EPHB3: variants seen among roughly 807,000 people sequenced by gnomAD.
The protein encoded by EPHB3 is ephrin type-B receptor 3.
A neutral mutation model predicts 100.2 loss-of-function variants in EPHB3; 33 were observed. The observed-to-expected ratio is 0.33, with a 90% CI of 0.25 to 0.44. EPHB3 has a LOEUF of 0.44. Among genes scored for constraint, EPHB3 ranks in the 20% least tolerant of loss-of-function variants. The probability of loss-of-function intolerance (pLI) is 1.00; values close to 1 mark genes in which losing one functional copy is unlikely to be tolerated. For missense variants in EPHB3, 1,045 were observed against 1,378.3 expected (o/e 0.76, Z 3.83); for synonymous variants, 526 against 554.7 (o/e 0.95, Z 0.73).
At chr3:184,575,427 G>A (rs1487903898) in intron 3 of EPHB3, among the ~76,000 whole-genome samples, 2 of 152,180 alleles carry the variant, frequency 1.3e-5, no homozygotes, top group Admixed American at 6.5e-5. Flanking sequence ...TGATTTTTCT[G>A]GAGCCTCGGG....
chr3:184,574,003 C>T (rs1281675249), intron 3 of EPHB3, among the ~76,000 whole-genome samples: 37 of 152,118 alleles, frequency 2.4e-4, no homozygotes, highest in Admixed American at 2.4e-3. Context: ...GTGTAAGCCA[C>T]CACTCCTGGC....
chr3:184,576,393 G>A (rs916152809), intron 4 of EPHB3, among the ~76,000 whole-genome samples: 1 of 152,186 alleles, frequency 6.6e-6, no homozygotes, highest in South Asian at 2.1e-4. Context: ...ACATCCTGAG[G>A]GTGGCCTGGT....
rs1714733888 is a variant in EPHB3, at chr3:184,578,326, C to T, written c.1749-88C>T. ...CCCCAGGCCATCCCCTGTATCCTCT[C>T]CGCCCCTTCTGTGAGCCCAAGGGTG... On this transcript the variant is annotated intron_variant, in intron 8 of 15. Transcript: ENST00000330394. This position sits in a 1 kb window ranked among gnomAD's most constrained non-coding sequence, Gnocchi z 4.7. 1.9e-5 allele frequency: 30 copies of T among 1,584,092 alleles called. No homozygotes were observed. In the South Asian group the frequency reaches 2.9e-4, roughly 15 times the overall value.
rs757806643 is a variant in EPHB3 at position 184,579,879 on chromosome 3, C to T, written c.2117C>T (p.Pro706Leu). The change falls in exon 11 of 16, where the codon CCA becomes CTA. Residue 706 changes from proline to leucine, a missense_variant. Physicochemically the swap from Pro to Leu is moderately conservative, Grantham distance 98 (BLOSUM62 -3). Coordinates refer to ENST00000330394, the MANE Select transcript of EPHB3 (RefSeq NM_004443.4). The surrounding 1 kb of genome is among the most constrained non-coding windows in gnomAD (Gnocchi z 5.2). ...GAGGGCGTGGTCACCAAAAGTCGGC[C>T]AGTTATGATCCTCACTGAGTTCATG... ...RLEGVVTKSRPVMILTEFMEN... is the reference protein window; with the variant it reads ...RLEGVVTKSRLVMILTEFMEN... 5 of 1,613,812 alleles carry T rather than the reference C, an allele frequency of 3.1e-6. No individual in the cohort carries two copies.
rs183414041 is a variant in EPHB3 at position 184,562,606 on chromosome 3, A to G, written c.118+253A>G. On this transcript the variant is annotated intron_variant, in intron 1 of 15. Transcript: ENST00000330394. The surrounding 1 kb of genome is among the most constrained non-coding windows in gnomAD (Gnocchi z 4.8). Reference sequence around the variant, plus strand: ...TAGACTCGGGACGAACGTCCCCCAGAGTCCTGGCCCTGCTGTGAGCTTTCG... The same window carrying G: ...TAGACTCGGGACGAACGTCCCCCAGGGTCCTGGCCCTGCTGTGAGCTTTCG... Among the ~76,000 whole-genome samples, 15,751 of 152,032 alleles carry G rather than the reference A, an allele frequency of 0.1. 853 individuals carry two copies. The highest frequency in any genetic ancestry group is 0.18 in the Middle Eastern group (52 of 294).
Position 184,563,446 on chromosome 3 carries a change from G to A in EPHB3, c.118+1093G>A, listed in dbSNP as rs79151247. On this transcript the variant is annotated intron_variant, in intron 1 of 15. Coordinates refer to ENST00000330394, the MANE Select transcript of EPHB3 (RefSeq NM_004443.4). The surrounding 1 kb of genome is among the most constrained non-coding windows in gnomAD (Gnocchi z 4.1). ...GTTTAGGAACGAAAACACGAACTCT[G>A]TGGAACTTGGCTTGTTCTTATGTTC... Among the ~76,000 whole-genome samples the A allele has an allele frequency of 0.013, 2,025 of 152,314 alleles. 50 individuals are homozygous for A. The highest frequency in any genetic ancestry group is 0.045 in the African/African-American group (1,857 of 41,548).
At chr3:184,575,724 G>C in intron 3 of EPHB3, 106 bp from the exon 4 acceptor site, 3 of 1,381,542 alleles carry the variant, frequency 2.2e-6, no homozygotes, top group Non-Finnish European at 2.9e-6. Flanking sequence ...AGGAGGTGGA[G>C]GGGCCAGACC....
intron 1 of EPHB3, among the ~76,000 whole-genome samples, chr3:184,568,592 A>ACCCC (rs113185340): frequency 4.7e-4 from 62 of 131,120 alleles, no homozygotes; most frequent in South Asian, 1.0e-3. Context: ...GGGTTCTATG[A>ACCCC]CCCCCCCCCC....
chr3:184,580,902 G>T (rs752997842), intron 13 of EPHB3, 24 bp downstream of exon 13: 1 of 1,609,340 alleles, frequency 6.2e-7, no homozygotes, highest in Admixed American at 1.7e-5. Flanking sequence ...CGCCAGAGTG[G>T]TTGGGTAGGT....
At chr3:184,564,209 C>T (rs1351537081) in intron 1 of EPHB3, among the ~76,000 whole-genome samples, 2 of 152,254 alleles carry the variant, frequency 1.3e-5, no homozygotes, top group African/African-American at 4.8e-5. Flanking sequence ...ACCTCCCCTC[C>T]ACTGTGAAGT....
At position 184,562,270 on chromosome 3, in the gene EPHB3, C is replaced by G; in HGVS notation, c.35C>G (p.Pro12Arg). Residue 12 changes from proline to arginine, a missense_variant, in exon 1 of 16, where the codon CCG becomes CGG. Transcript: ENST00000330394. This position sits in a 1 kb window ranked among gnomAD's most constrained non-coding sequence, Gnocchi z 4.8. ...GCCCGCCCGCCGCCGCCGCCGTCGC[C>G]GCCGCCGGGGCTTCTGCCGCTGCTC... ...ARARPPPPPS[P>R]PPGLLPLLPP... The G allele has an allele frequency of 8.4e-7, 1 of 1,190,910 alleles. No individual in the cohort carries two copies. Among genetic ancestry groups the G allele is most frequent in the Non-Finnish European group, 1.0e-6 (1 of 954,926 alleles). The allele number at this position is 1,190,910 out of a possible 1,614,324, so 73.8% of individuals were successfully genotyped here. A position where few individuals can be genotyped will look rare whatever the true frequency, so the allele number is the denominator to read the frequency against.
rs1234405337 is a variant in EPHB3 at position 184,577,335 on chromosome 3, C to T, written c.1355-8C>T. On this transcript the variant is annotated splice_polypyrimidine_tract_variant and splice_region_variant and intron_variant, in intron 5 of 15. Transcript: ENST00000330394. The surrounding 1 kb of genome is among the most constrained non-coding windows in gnomAD (Gnocchi z 4.9). ...GGGAGCCCCTGGTGAGCCCTCTGCTCTTCCCAGCCCCGTCTGAAGTGCCCA... is the reference window on the plus strand; with the variant it reads ...GGGAGCCCCTGGTGAGCCCTCTGCTTTTCCCAGCCCCGTCTGAAGTGCCCA... The T allele has an allele frequency of 1.2e-6, 2 of 1,612,462 alleles. No individual in the cohort carries two copies. Among genetic ancestry groups the T allele is most frequent in the South Asian group, 2.2e-5 (2 of 90,836 alleles).
Position 184,571,435 on chromosome 3 carries a change from C to A in EPHB3, c.183+53C>A, listed in dbSNP as rs193262275. 37 of 1,597,610 alleles carry A rather than the reference C, an allele frequency of 2.3e-5. No individual in the cohort carries two copies. The East Asian group carries it at 4.5e-4, about 19-fold the overall frequency. The stretch of plus-strand genomic sequence containing the variant: ...TGTTGTTTGCCATTAGGCCTCCCCC[C>A]ACTTCCAGCCTCCGTGCCCCCTCAT... On this transcript the variant is annotated intron_variant, in intron 2 of 15. Coordinates refer to ENST00000330394, the MANE Select transcript of EPHB3 (RefSeq NM_004443.4). This position sits in a 1 kb window ranked among gnomAD's most constrained non-coding sequence, Gnocchi z 5.0.
chr3:184,579,508 T>C lies in EPHB3; in HGVS notation c.1833T>C (p.Pro611=), dbSNP rs1714765929. The part of the protein sequence containing the change: ...IAPGMKVYID[P]FTYEDPNEAV... ...CTGGAATGAAGGTTTATATTGACCC[T>C]TTTACCTACGAGGACCCTAATGAGG... The change falls in exon 10 of 16, where the codon CCT becomes CCC. Residue 611 remains proline, a synonymous_variant. Transcript: ENST00000330394. The surrounding 1 kb of genome is among the most constrained non-coding windows in gnomAD (Gnocchi z 5.2). 1 of 1,613,878 alleles carries C rather than the reference T, an allele frequency of 6.2e-7. No homozygotes were observed. The highest frequency in any genetic ancestry group is 1.7e-5 in the Admixed American group (1 of 59,992).
chr3:184,578,304 C>G lies in EPHB3; in HGVS notation c.1749-110C>G. On this transcript the variant is annotated intron_variant, in intron 8 of 15. Coordinates refer to ENST00000330394, the MANE Select transcript of EPHB3 (RefSeq NM_004443.4). This position sits in a 1 kb window ranked among gnomAD's most constrained non-coding sequence, Gnocchi z 4.7. The stretch of plus-strand genomic sequence containing the variant: ...GACCACCAATTGTGGGACTAGGCCC[C>G]AGGCCATCCCCTGTATCCTCTCCGC... The G allele has an allele frequency of 6.6e-7, 1 of 1,505,310 alleles. No homozygotes were observed. The highest frequency in any genetic ancestry group is 9.1e-7 in the Non-Finnish European group (1 of 1,096,708). 93.2% of individuals were successfully genotyped at this position (1,505,310 alleles called of 1,614,324 possible).
chr3:184,577,232 T>C lies in EPHB3; in HGVS notation c.1354+49T>C, dbSNP rs772618334. On this transcript the variant is annotated intron_variant, in intron 5 of 15. Coordinates refer to ENST00000330394, the MANE Select transcript of EPHB3 (RefSeq NM_004443.4). This position sits in a 1 kb window ranked among gnomAD's most constrained non-coding sequence, Gnocchi z 4.9. The stretch of plus-strand genomic sequence containing the variant: ...AGGGCCTGGGTCACTTTCTCCTGGA[T>C]GAGGTGTCCCAGGACCTGCTAAGGG... The C allele has an allele frequency of 2.0e-5, 31 of 1,571,236 alleles. 1 individual carries two copies. The South Asian group carries it at 3.6e-4, about 18-fold the overall frequency.
At chr3:184,566,772 A>C (rs114624684) in intron 1 of EPHB3, among the ~76,000 whole-genome samples, 2,814 of 151,224 alleles carry the variant, frequency 0.019, 39 homozygotes, top group Non-Finnish European at 0.027. Context: ...CTTTCCTTCC[A>C]CCTCTAAGTC....
chr3:184,580,668 G>T, intron 12 of EPHB3, 51 bp downstream of exon 12: 1 of 1,609,216 alleles, frequency 6.2e-7, no homozygotes. Context: ...ATCAGCCAGG[G>T]GCTCGGGCCT....
intron 3 of EPHB3, among the ~76,000 whole-genome samples, chr3:184,574,412 A>G (rs1434187706): frequency 6.6e-6 from 1 of 152,168 alleles, no homozygotes; most frequent in Non-Finnish European, 1.5e-5. Context: ...AGTCTTGGAG[A>G]AGCTCTGTGC....
Sources: allele counts gnomAD v4.1 joint callset (sites outside exome capture counted in the v4.1 genomes callset), GRCh38; gene constraint gnomAD v4.1.1; non-coding constraint Gnocchi (gnomAD v3.1); transcripts MANE v1.5; gene names NCBI Gene and HGNC (gene_info 2026-07-23, HGNC 2026-07-21).